Variants in INPP5B observed in about 807,000 individuals in gnomAD.
INPP5B encodes type II inositol 1,4,5-trisphosphate 5-phosphatase.
INPP5B carries 90 observed loss-of-function variants against 118.5 expected under a neutral mutation model. That is an observed-to-expected ratio of 0.76 (90% CI 0.64 to 0.90). INPP5B has a LOEUF of 0.90. INPP5B is among the 40% of genes least tolerant of loss of function. INPP5B has a pLI of 0.00. For missense variants in INPP5B, 984 were observed against 1,125.6 expected (o/e 0.87, Z 1.80); for synonymous variants, 385 against 418.9 (o/e 0.92, Z 0.99).
At chr1:37,893,068 TTTA>T (rs1205675037) in intron 7 of INPP5B, among the ~76,000 whole-genome samples, 1 of 151,148 alleles carries the variant, frequency 6.6e-6, no homozygotes, top group Non-Finnish European at 1.5e-5. Flanking sequence ...TGTATGTTTT[TTTA>T]TTATTTTCTT....
chr1:37,895,976 C>T (rs541736028), intron 7 of INPP5B, among the ~76,000 whole-genome samples: 1 of 151,190 alleles, frequency 6.6e-6, no homozygotes, highest in Non-Finnish European at 1.5e-5. Context: ...GGCCGCCCAT[C>T]GTCTGGGATG....
intron 1 of INPP5B, 137 bp from the exon 2 acceptor site, chr1:37,946,471 C>T (rs1217873592): frequency 3.2e-6 from 2 of 634,410 alleles, no homozygotes; most frequent in Non-Finnish European, 5.5e-6. Flanking sequence ...TGATCCTCCT[C>T]CTCCTCCTCT....
intron 19 of INPP5B, among the ~76,000 whole-genome samples, chr1:37,871,177 G>A (rs1325814055): frequency 7.1e-6 from 1 of 141,630 alleles, no homozygotes; most frequent in East Asian, 2.1e-4. Context: ...AAAAAAAAAG[G>A]CCGGGCGCAG....
At chr1:37,866,195 G>A (rs990251225) in intron 21 of INPP5B, among the ~76,000 whole-genome samples, 6 of 152,120 alleles carry the variant, frequency 3.9e-5, no homozygotes, top group Non-Finnish European at 8.8e-5. Flanking sequence ...CCAGCTACTC[G>A]GGAGGCTGAG....
At chr1:37,941,661 G>A (rs1007439431) in intron 5 of INPP5B, among the ~76,000 whole-genome samples, 18 of 150,510 alleles carry the variant, frequency 1.2e-4, no homozygotes, top group African/African-American at 3.7e-4. Flanking sequence ...ATAAAGGGCC[G>A]GGCGCGGTGG....
At chr1:37,936,540 G>A (rs1385544377) in intron 6 of INPP5B, among the ~76,000 whole-genome samples, 1 of 151,960 alleles carries the variant, frequency 6.6e-6, no homozygotes, top group African/African-American at 2.4e-5. Context: ...AGAATCGCTT[G>A]AACCCGGGAG....
intron 7 of INPP5B, among the ~76,000 whole-genome samples, chr1:37,898,362 T>C (rs952101435): frequency 6.6e-6 from 1 of 152,178 alleles, no homozygotes; most frequent in African/African-American, 2.4e-5. Context: ...TACATGGTAG[T>C]ATCTATAGCT....
At chr1:37,932,867 TCAAGA>T (rs1423811211) in intron 6 of INPP5B, among the ~76,000 whole-genome samples, 1 of 152,106 alleles carries the variant, frequency 6.6e-6, no homozygotes, top group Non-Finnish European at 1.5e-5. Context: ...ATGAAATATA[TCAAGA>T]CAAGTCCTCT....
In INPP5B at chr1:37,945,764, C is replaced by T; in HGVS notation, c.144G>A (p.Gln48=). 1 of 1,613,732 alleles carries T rather than the reference C, an allele frequency of 6.2e-7. No homozygotes were observed. The highest frequency in any genetic ancestry group is 1.1e-5 in the South Asian group (1 of 91,040). ...LVRYRLEHGG[Q]EHALFLYTHR... is the part of the protein sequence containing the mutation. ...CCAAGCCCCTCACTCACGCGTGTTC[C>T]TGGCCGCCGTGCTCCAGGCGGTAGC... is the stretch of plus-strand genomic sequence containing the variant. Residue 48 remains glutamine (Q), a synonymous_variant, in exon 3 of 24, where the codon CAG becomes CAA. Coordinates refer to ENST00000373024, the MANE Select transcript of INPP5B (RefSeq NM_005540.3).
chr1:37,911,607 T>C (rs192929049), intron 7 of INPP5B, among the ~76,000 whole-genome samples: 58 of 152,292 alleles, frequency 3.8e-4, no homozygotes, highest in African/African-American at 1.3e-3. Flanking sequence ...CTAAACTCAT[T>C]GCCTTAACTT....
chr1:37,897,337 G>A (rs1001312946), intron 7 of INPP5B, among the ~76,000 whole-genome samples: 1 of 149,478 alleles, frequency 6.7e-6, no homozygotes, highest in African/African-American at 2.5e-5. Context: ...TGGTTGCCGT[G>A]TCTGTGTAGA....
At chr1:37,885,410 T>A (rs1046482671) in intron 13 of INPP5B, 2 of 424,466 alleles carry the variant, frequency 4.7e-6, no homozygotes, top group Non-Finnish European at 8.5e-6. Context: ...CGCGACTCCA[T>A]CTCGAAAAAA....
intron 7 of INPP5B, among the ~76,000 whole-genome samples, chr1:37,901,224 C>T (rs1644320753): frequency 6.6e-6 from 1 of 152,214 alleles, no homozygotes; most frequent in Admixed American, 6.5e-5. Flanking sequence ...CAGTGCACAG[C>T]AGGCACTCTA....
intron 1 of INPP5B, among the ~76,000 whole-genome samples, chr1:37,946,669 G>C (rs1168532373): frequency 6.6e-6 from 1 of 152,172 alleles, no homozygotes; most frequent in Non-Finnish European, 1.5e-5. Context: ...TTTGCTCCTA[G>C]GACATGGCTC....
At chr1:37,885,861 CTTAA>C (rs1418700010) in intron 12 of INPP5B, 36 bp from the exon 13 acceptor site, 14 of 1,593,380 alleles carry the variant, frequency 8.8e-6, no homozygotes, top group Non-Finnish European at 1.2e-5. Flanking sequence ...CCAATTCAAA[CTTAA>C]TTGTGTCAGT....
At chr1:37,878,118 A>G (rs1642954407) in intron 16 of INPP5B, 70 bp downstream of exon 16, 5 of 1,544,190 alleles carry the variant, frequency 3.2e-6, no homozygotes, top group Non-Finnish European at 4.4e-6. Context: ...CCAGAAAGAC[A>G]AGAAATGGTC....
rs1444568316 is a variant in INPP5B at position 37,885,561 on chromosome 1, C to A, written c.1319+77G>T. 8 of 1,269,230 alleles carry A rather than the reference C, an allele frequency of 6.3e-6. No homozygotes were observed. In the Admixed American group the frequency reaches 1.6e-4, roughly 25 times the overall value. The allele number at this position is 1,269,230 out of a possible 1,614,324, so 78.6% of individuals were successfully genotyped here. A position where few individuals can be genotyped will look rare whatever the true frequency, so the allele number is the denominator to read the frequency against. On this transcript the variant is annotated intron_variant, in intron 13 of 23. Transcript: ENST00000373024. ...GCAGCAATAGGAAACCACCACCAGG[C>A]ATCTCCCCATGAAAAGACAGAGCCC...
At chr1:37,908,974 A>G (rs1255534953) in intron 7 of INPP5B, among the ~76,000 whole-genome samples, 1 of 151,928 alleles carries the variant, frequency 6.6e-6, no homozygotes, top group African/African-American at 2.4e-5. Flanking sequence ...AACCTCTTCA[A>G]CTCACACCTG....
rs1047246222 is a variant in INPP5B at position 37,899,936 on chromosome 1, G to A, written c.533-8482C>T. On this transcript the variant is annotated intron_variant, in intron 7 of 23. Coordinates refer to ENST00000373024, the MANE Select transcript of INPP5B (RefSeq NM_005540.3). ...TCACCGTGTTAGCCGGGATGATCTC[G>A]GTCTCCTGACTTCATGATCCGCCCG... Among the ~76,000 whole-genome samples the A allele has an allele frequency of 4.6e-5, 7 of 151,778 alleles. No individual in the cohort carries two copies. In the East Asian group the frequency reaches 5.8e-4, roughly 13 times the overall value.
Sources: allele counts gnomAD v4.1 joint callset (sites outside exome capture counted in the v4.1 genomes callset), GRCh38; gene constraint gnomAD v4.1.1; transcripts MANE v1.5; gene names NCBI Gene and HGNC (gene_info 2026-07-23, HGNC 2026-07-21).